The following PDZRN3 variants were observed in gnomAD, a reference collection of about 807,000 sequenced individuals.
The protein encoded by PDZRN3 is E3 ubiquitin-protein ligase PDZRN3.
Under a neutral mutation model 85.7 loss-of-function variants are expected in PDZRN3, and 38 were observed. The ratio of observed to expected loss-of-function variants is 0.44; its 90% confidence interval spans 0.34 to 0.58. The LOEUF is 0.58. Among genes scored for constraint, PDZRN3 ranks in the 20% least tolerant of loss-of-function variants. The pLI is 0.01. For synonymous variants in PDZRN3, 759 were observed against 638.0 expected (o/e 1.19, Z -2.86); for missense variants, 1,629 against 1,506.4 (o/e 1.08, Z -1.35).
intron 3 of PDZRN3, among the ~76,000 whole-genome samples, chr3:73,448,270 C>A (rs554598623): frequency 4.6e-5 from 7 of 152,314 alleles, no homozygotes; most frequent in Admixed American, 1.3e-4. Context: ...TAACCACCTA[C>A]GATTGTTGTG....
In PDZRN3 at chr3:73,478,356, T is replaced by C. The variant is rs149040210; in HGVS notation, c.919-73961A>G. Among the ~76,000 whole-genome samples, 40 of 152,206 alleles carry C rather than the reference T, an allele frequency of 2.6e-4. No homozygotes were observed. In the East Asian group the frequency reaches 6.4e-3, roughly 24 times the overall value. ...GCGACATTAGATTTTCATAGGAGCA[T>C]GGACTCTACTGCAAACTCTGCTTAA... On this transcript the variant is annotated intron_variant, in intron 3 of 9. Coordinates refer to ENST00000263666, the MANE Select transcript of PDZRN3 (RefSeq NM_015009.3).
intron 8 of PDZRN3, among the ~76,000 whole-genome samples, 165 bp from the exon 9 acceptor site, chr3:73,385,950 C>T (rs1701373167): frequency 6.6e-6 from 1 of 152,108 alleles, no homozygotes; most frequent in South Asian, 2.1e-4. Context: ...AGGAAACTAT[C>T]CAACCCTTAC....
chr3:73,580,360 C>T (rs1559747009), intron 3 of PDZRN3, among the ~76,000 whole-genome samples: 1 of 152,174 alleles, frequency 6.6e-6, no homozygotes, highest in Non-Finnish European at 1.5e-5. Context: ...TCCCAAACCA[C>T]AAAGAATCTG....
At chr3:73,504,350 T>C (rs920997351) in intron 3 of PDZRN3, among the ~76,000 whole-genome samples, 8 of 152,174 alleles carry the variant, frequency 5.3e-5, no homozygotes, top group Non-Finnish European at 1.0e-4. Context: ...TCAGGAAGAA[T>C]AGATTTGTTT....
chr3:73,623,972 A>C (rs1702912482), intron 1 of PDZRN3, 131 bp downstream of exon 1: 3 of 872,420 alleles, frequency 3.4e-6, no homozygotes, highest in Non-Finnish European at 4.8e-6. Context: ...GCTGGTAAGC[A>C]GTGGAAGAAG....
At position 73,383,561 on chromosome 3, in the gene PDZRN3, C is replaced by A; in HGVS notation, c.3005G>T (p.Cys1002Phe). ...REFMMQSRLD[C>F]LKEQQAADDR... ...ATCGGCTGCTTGCTGCTCCTTGAGA[C>A]AATCCAACCTGCTCTGCATCATGAA... The change falls in exon 10 of 10, where the codon TGT (cysteine) becomes TTT (phenylalanine). Residue 1002 changes from cysteine (C) to phenylalanine (F), a missense_variant. By Grantham distance (205) the Cys-to-Phe change is radical (BLOSUM62 -2). Coordinates refer to ENST00000263666, the MANE Select transcript of PDZRN3 (RefSeq NM_015009.3). 4.3e-6 allele frequency: 7 copies of A among 1,614,168 alleles called. No individual in the cohort carries two copies. The highest frequency in any genetic ancestry group is 5.9e-6 in the Non-Finnish European group (7 of 1,180,028).
intron 3 of PDZRN3, among the ~76,000 whole-genome samples, chr3:73,446,020 T>A (rs1284553310): frequency 3.9e-5 from 6 of 152,222 alleles, no homozygotes; most frequent in Non-Finnish European, 8.8e-5. Context: ...GACCCCAACA[T>A]CTTTCAGGTG....
chr3:73,614,445 C>T (rs540989649), intron 1 of PDZRN3, among the ~76,000 whole-genome samples: 1 of 152,304 alleles, frequency 6.6e-6, no homozygotes, highest in South Asian at 2.1e-4. Flanking sequence ...TTTTTAAAAA[C>T]TCCTTTTCTG....
At chr3:73,561,543 T>C (rs1701814517) in intron 3 of PDZRN3, 1 of 152,252 alleles carries the variant, frequency 6.6e-6, no homozygotes, top group Non-Finnish European at 1.5e-5. Flanking sequence ...CCTAAACATT[T>C]GGATGCGTCA....
intron 3 of PDZRN3, among the ~76,000 whole-genome samples, chr3:73,413,472 G>T (rs9845864): frequency 6.6e-6 from 1 of 152,080 alleles, no homozygotes; most frequent in Non-Finnish European, 1.5e-5. Flanking sequence ...ATTTCATCCC[G>T]TCTTCAGAAT....
intron 3 of PDZRN3, among the ~76,000 whole-genome samples, chr3:73,444,908 G>C (rs529126636): frequency 6.6e-6 from 1 of 152,364 alleles, no homozygotes; most frequent in Non-Finnish European, 1.5e-5. Flanking sequence ...TCTCTGACTA[G>C]AGATGAAGCA....
intron 3 of PDZRN3, among the ~76,000 whole-genome samples, chr3:73,468,684 A>C (rs1703272555): frequency 6.6e-6 from 1 of 152,192 alleles, no homozygotes; most frequent in Non-Finnish European, 1.5e-5. Flanking sequence ...CAACTGAGGC[A>C]GTGTTCTTTA....
intron 3 of PDZRN3, among the ~76,000 whole-genome samples, chr3:73,538,656 T>C (rs1276844941): frequency 6.6e-6 from 1 of 152,246 alleles, no homozygotes; most frequent in Non-Finnish European, 1.5e-5. Context: ...GGCAATGCAG[T>C]TAACCTTTAG....
At chr3:73,456,976 T>C (rs978227429) in intron 3 of PDZRN3, among the ~76,000 whole-genome samples, 3 of 152,126 alleles carry the variant, frequency 2.0e-5, no homozygotes, top group African/African-American at 7.2e-5. Context: ...GACATTACCA[T>C]TTAAAATGTA....
chr3:73,457,389 T>C lies in PDZRN3; in HGVS notation c.919-52994A>G, dbSNP rs534479099. On this transcript the variant is annotated intron_variant, in intron 3 of 9. Coordinates refer to ENST00000263666, the MANE Select transcript of PDZRN3 (RefSeq NM_015009.3). ...TGCCCGGCCGTACCTTAGCTCATAT[T>C]AAGAGCACCATCAAGGCTCTGGAGT... Among the ~76,000 whole-genome samples, 5 of 152,148 alleles carry C rather than the reference T, an allele frequency of 3.3e-5. No individual in the cohort carries two copies. In the East Asian group the frequency reaches 9.7e-4, roughly 29 times the overall value.
intron 3 of PDZRN3, among the ~76,000 whole-genome samples, chr3:73,482,449 C>A (rs552127838): frequency 6.6e-6 from 1 of 152,198 alleles, no homozygotes; most frequent in South Asian, 2.1e-4. Flanking sequence ...ACCTCTCCTA[C>A]GCGTTTATAG....
intron 3 of PDZRN3, among the ~76,000 whole-genome samples, chr3:73,538,767 G>C (rs941868495): frequency 6.6e-6 from 1 of 152,132 alleles, no homozygotes; most frequent in Non-Finnish European, 1.5e-5. Context: ...TTTATACAAT[G>C]ATGTAGGTAG....
intron 1 of PDZRN3, among the ~76,000 whole-genome samples, chr3:73,616,768 T>G (rs908084403): frequency 3.9e-5 from 6 of 152,210 alleles, no homozygotes; most frequent in Admixed American, 6.5e-5. Context: ...TGTGCCCTTA[T>G]GTACATCATC....
chr3:73,592,881 T>C (rs1409465266), intron 3 of PDZRN3, among the ~76,000 whole-genome samples: 4 of 152,198 alleles, frequency 2.6e-5, no homozygotes, highest in Non-Finnish European at 4.4e-5. Context: ...CGCCTGTTCA[T>C]AGCACCCTGG....
Sources: gnomAD v4.1 joint callset for allele counts (sites outside exome capture counted in the v4.1 genomes callset) on GRCh38, gnomAD v4.1.1 for gene constraint, MANE v1.5 for transcripts, NCBI Gene and HGNC (gene_info 2026-07-23, HGNC 2026-07-21) for gene names.